Variants in FOXL2NB observed in about 807,000 individuals in gnomAD.
The protein encoded by FOXL2NB is FOXL2 neighbor protein.
In FOXL2NB, 10 loss-of-function variants were observed where a neutral mutation model predicts 7.4. The ratio of observed to expected loss-of-function variants is 1.34; its 90% CI spans 0.83 to 2.28. The LOEUF (loss-of-function observed/expected upper bound fraction) is 2.28. Among genes scored for constraint, FOXL2NB ranks in the 30% most tolerant of loss-of-function variants. FOXL2NB has a pLI of 0.00. For missense variants in FOXL2NB, 228 were observed against 233.9 expected, an observed-to-expected ratio of 0.97 and a Z score of 0.17; for synonymous variants, 104 against 105.3, an observed-to-expected ratio of 0.99 and a Z score of 0.08.
chr3:138,948,373 G>A (rs1187729483), intron 1 of FOXL2NB, among the ~76,000 whole-genome samples: 1 of 152,206 alleles, frequency 6.6e-6, no homozygotes, highest in African/African-American at 2.4e-5. Context: ...AATTATTTCA[G>A]CATGTACAGA....
chr3:138,950,045 C>T (rs1008229197), intron 2 of FOXL2NB: 9 of 710,272 alleles, frequency 1.3e-5, no homozygotes, highest in African/African-American at 1.0e-4. Context: ...GCCTCTTTGC[C>T]CCAGTTTTCC....
chr3:138,947,682 G>A lies in FOXL2NB; in HGVS notation c.100+218G>A. 1.5e-6 allele frequency: 2 copies of A among 1,332,504 alleles called. No homozygotes were observed. Among genetic ancestry groups the A allele is most frequent in the South Asian group, 3.9e-5 (2 of 51,250 alleles). 82.5% of individuals were successfully genotyped at this position (1,332,504 alleles called of 1,614,324 possible). ...CTCGCGCTCTCAGAGTGACTGGGCTGGAATGGGGCAGGGGAGAGGATCTCT... is the reference window on the plus strand; with the variant it reads ...CTCGCGCTCTCAGAGTGACTGGGCTAGAATGGGGCAGGGGAGAGGATCTCT... On this transcript the variant is annotated intron_variant, in intron 1 of 2. Coordinates refer to ENST00000383165, the MANE Select transcript of FOXL2NB (RefSeq NM_001040061.3). This position sits in a 1 kb window ranked among gnomAD's most constrained non-coding sequence, Gnocchi z 5.2.
Position 138,950,568 on chromosome 3 carries a change from AT to A in FOXL2NB, c.526del (p.Ter176SerfsTer74). The A allele has an allele frequency of 6.2e-7, 1 of 1,614,016 alleles. No individual in the cohort carries two copies. The highest frequency in any genetic ancestry group is 1.1e-5 in the South Asian group (1 of 91,070). ...LASKGKLHCV[Y>X] ...AGCAAAGGGAAGCTTCACTGTGTCT[AT>A]TAGTACATCCCCATACACTCCACGC... is the stretch of plus-strand genomic sequence containing the variant. On this transcript the variant is annotated frameshift_variant, in exon 3 of 3. Coordinates refer to ENST00000383165, the MANE Select transcript of FOXL2NB (RefSeq NM_001040061.3). LOFTEE classifies it high-confidence loss of function.
rs570190507 is a variant in FOXL2NB at position 138,952,512 on chromosome 3, C to CTT, written c.*1952_*1953dup. 708 of 142,204 alleles carry CTT rather than the reference C, an allele frequency of 5.0e-3. 15 individuals carry two copies. The highest frequency in any genetic ancestry group is 0.017 in the African/African-American group (651 of 38,006). The allele number at this position is 142,204 out of a possible 1,614,324, so 8.8% of individuals were successfully genotyped here. Reference sequence around the variant, plus strand: ...GTGTGCACTATAACTTTATGAAACACTTTTTTTTTTTTTGAGACAGGGTCT... The same window carrying CTT: ...GTGTGCACTATAACTTTATGAAACACTTTTTTTTTTTTTTTGAGACAGGGTCT... On this transcript the variant is annotated 3_prime_UTR_variant, in exon 3 of 3. Coordinates refer to ENST00000383165, the MANE Select transcript of FOXL2NB (RefSeq NM_001040061.3).
In FOXL2NB at chr3:138,947,217, G is replaced by GATGAACAAA. The variant is rs1936003637; in HGVS notation, c.-147_-146insTGAACAAAA. The stretch of plus-strand genomic sequence containing the variant: ...GCGGGGCGGCCAGCCGCGCACGGGC[G>GATGAACAAA]AGTTCATCTCCAAGTCACTTTTTGT... On this transcript the variant is annotated 5_prime_UTR_variant, in exon 1 of 3. It adds an upstream start codon to the 5' untranslated region. Transcript: ENST00000383165. The surrounding 1 kb of genome is among the most constrained non-coding windows in gnomAD (Gnocchi z 5.2). 1.6e-6 allele frequency: 1 copy of GATGAACAAA among 643,126 alleles called. No individual in the cohort carries two copies. Among genetic ancestry groups the GATGAACAAA allele is most frequent in the Non-Finnish European group, 2.6e-6 (1 of 382,260 alleles). The allele number at this position is 643,126 out of a possible 1,614,324, so 39.8% of individuals were successfully genotyped here.
At chr3:138,950,237 G>A (rs1318250401) in intron 2 of FOXL2NB, 28 bp from the exon 3 acceptor site, 1 of 1,605,558 alleles carries the variant, frequency 6.2e-7, no homozygotes, top group Admixed American at 1.7e-5. Context: ...AATCTACACG[G>A]CTCTGATACA....
rs758648508 is a variant in FOXL2NB at position 138,950,443 on chromosome 3, G to A, written c.399G>A (p.Ala133=). ...AGGTTCCGCTGTCCCCTTTCCTAGC[G>A]GGACCCCGAAACACCCGGCGGCTTC... ...LNQVPLSPFL[A]GPRNTRRLPA... The change falls in exon 3 of 3, where the codon GCG becomes GCA. Residue 133 remains alanine (A), a synonymous_variant. Coordinates refer to ENST00000383165, the MANE Select transcript of FOXL2NB (RefSeq NM_001040061.3). 1.5e-5 allele frequency: 24 copies of A among 1,613,944 alleles called. No individual in the cohort carries two copies. The highest frequency in any genetic ancestry group is 2.7e-5 in the African/African-American group (2 of 74,940).
rs913572780 is a variant in FOXL2NB, at chr3:138,949,508, G to T, written c.101-12G>T. The T allele has an allele frequency of 6.2e-7, 1 of 1,613,938 alleles. No individual in the cohort carries two copies. Among genetic ancestry groups the T allele is most frequent in the Non-Finnish European group, 8.5e-7 (1 of 1,179,962 alleles). On this transcript the variant is annotated splice_polypyrimidine_tract_variant and intron_variant, in intron 1 of 2. Coordinates refer to ENST00000383165, the MANE Select transcript of FOXL2NB (RefSeq NM_001040061.3). The surrounding 1 kb of genome is among the most constrained non-coding windows in gnomAD (Gnocchi z 4.5). Reference sequence around the variant, plus strand: ...GAAAATACTGATTTCTGACTGTCCCGTAGAGGAACAGAATCCCCAGCCCTG... The same window carrying T: ...GAAAATACTGATTTCTGACTGTCCCTTAGAGGAACAGAATCCCCAGCCCTG...
In FOXL2NB at chr3:138,953,983, T is replaced by C. The variant is rs1319934333; in HGVS notation, c.*3411T>C. Among the ~76,000 whole-genome samples the C allele has an allele frequency of 1.3e-5, 2 of 152,254 alleles. No individual in the cohort carries two copies. The highest frequency in any genetic ancestry group is 2.9e-5 in the Non-Finnish European group (2 of 68,048). ...ATCATAAATAAAGCTGCTGTGCACA[T>C]TGTTGTACATGTCTTTTTGTGAAGG... On this transcript the variant is annotated 3_prime_UTR_variant, in exon 3 of 3. Transcript: ENST00000383165.
At chr3:138,950,223 G>T in intron 2 of FOXL2NB, 42 bp from the exon 3 acceptor site, 2 of 1,582,330 alleles carry the variant, frequency 1.3e-6, no homozygotes, top group South Asian at 2.3e-5. Context: ...CAGCCGGCGC[G>T]AGCAATCTAC....
Position 138,947,432 on chromosome 3 carries a change from GAA to G in FOXL2NB, c.70_71del (p.Lys24GlyfsTer21), listed in dbSNP as rs1411450922. The G allele has an allele frequency of 2.1e-5, 32 of 1,534,440 alleles. No homozygotes were observed. In the East Asian group the frequency reaches 7.5e-4, roughly 36 times the overall value. ...CCCAGGAAGCTCGGGCCCCAGCGAG[GAA>G]AGGCGCTCCAAGCCTCCTCGCGGCT... is the stretch of plus-strand genomic sequence containing the variant. On this transcript the variant is annotated frameshift_variant, in exon 1 of 3. Coordinates refer to ENST00000383165, the MANE Select transcript of FOXL2NB (RefSeq NM_001040061.3). LOFTEE classifies it high-confidence loss of function. The surrounding 1 kb of genome is among the most constrained non-coding windows in gnomAD (Gnocchi z 5.2).
rs906043769 is a variant in FOXL2NB at position 138,947,395 on chromosome 3, A to G, written c.31A>G (p.Thr11Ala). Reference protein sequence around the residue: MTRTPVGSARTRPKPRKLGPQ... With the variant: MTRTPVGSARARPKPRKLGPQ... ...GAGGACCCCGGTGGGGTCTGCCCGC[A>G]CCCGGCCAAAGCCCAGGAAGCTCGG... Residue 11 changes from threonine (T) to alanine (A), a missense_variant, in exon 1 of 3, where the codon ACC becomes GCC. Transcript: ENST00000383165. This position sits in a 1 kb window ranked among gnomAD's most constrained non-coding sequence, Gnocchi z 5.2. The G allele has an allele frequency of 6.5e-7, 1 of 1,535,672 alleles. No individual in the cohort carries two copies. Among genetic ancestry groups the G allele is most frequent in the African/African-American group, 1.4e-5 (1 of 72,120 alleles).
In FOXL2NB at chr3:138,950,666, GGTGT is replaced by G; in HGVS notation, c.*95_*98del. ...CTTTGCACCCACACCTCAGGGACTC[GGTGT>G]CCCTCCACTCAGGTCACGTTACTCC... On this transcript the variant is annotated 3_prime_UTR_variant, in exon 3 of 3. Transcript: ENST00000383165. 7.5e-7 allele frequency: 1 copy of G among 1,336,258 alleles called. No homozygotes were observed. Among genetic ancestry groups the G allele is most frequent in the Non-Finnish European group, 1.1e-6 (1 of 950,596 alleles). 82.8% of individuals were successfully genotyped at this position (1,336,258 alleles called of 1,614,324 possible).
At position 138,952,238 on chromosome 3, in the gene FOXL2NB, G is replaced by A. The variant is rs995044618; in HGVS notation, c.*1666G>A. The A allele has an allele frequency of 5.3e-5, 8 of 152,214 alleles. No individual in the cohort carries two copies. The highest frequency in any genetic ancestry group is 7.3e-5 in the Non-Finnish European group (5 of 68,054). The allele number at this position is 152,214 out of a possible 1,614,324, so 9.4% of individuals were successfully genotyped here. ...TCTCCACCCGCACGCTAACCCATGA[G>A]GGGATGCCAGAGAGAGCCCTTCCCC... is the stretch of plus-strand genomic sequence containing the variant. On this transcript the variant is annotated 3_prime_UTR_variant, in exon 3 of 3. Coordinates refer to ENST00000383165, the MANE Select transcript of FOXL2NB (RefSeq NM_001040061.3).
chr3:138,948,784 G>T (rs1163763009), intron 1 of FOXL2NB, among the ~76,000 whole-genome samples: 34 of 152,332 alleles, frequency 2.2e-4, no homozygotes, highest in Non-Finnish European at 5.9e-5. Flanking sequence ...ATTCTGAGAT[G>T]AAAGGGAGGG....
In FOXL2NB at chr3:138,950,267, C is replaced by G. The variant is rs1405853772; in HGVS notation, c.223C>G (p.Pro75Ala). 1.9e-6 allele frequency: 3 copies of G among 1,603,966 alleles called. No individual in the cohort carries two copies. ...GATACAGACGCTTTTCTCCCCAGGG[C>G]CGGGAATCCTGCAACAGCGGCAGAA... ...VRHSKAQKTGPGILQQRQKPP... is the reference protein window; with the variant it reads ...VRHSKAQKTGAGILQQRQKPP... The change falls in exon 3 of 3, where the codon CCG (proline) becomes GCG (alanine). Residue 75 changes from proline (P) to alanine (A), a missense_variant and splice_region_variant. Transcript: ENST00000383165.
chr3:138,951,189 C>T lies in FOXL2NB; in HGVS notation c.*617C>T, dbSNP rs1446032440. The T allele has an allele frequency of 6.5e-6, 1 of 152,706 alleles. No individual in the cohort carries two copies. Among genetic ancestry groups the T allele is most frequent in the African/African-American group, 2.4e-5 (1 of 41,452 alleles). 9.5% of individuals were successfully genotyped at this position (152,706 alleles called of 1,614,324 possible). ...AGGTCTGAAGCCAGTGGGTATTAGT[C>T]TGCCTGGTTGGGATTAGCAAAGTCA... On this transcript the variant is annotated 3_prime_UTR_variant, in exon 3 of 3. Coordinates refer to ENST00000383165, the MANE Select transcript of FOXL2NB (RefSeq NM_001040061.3).
rs759709914 is a variant in FOXL2NB, at chr3:138,950,507, C to T, written c.463C>T (p.Leu155Phe). 4.3e-6 allele frequency: 7 copies of T among 1,614,240 alleles called. No individual in the cohort carries two copies. The highest frequency in any genetic ancestry group is 1.6e-4 in the Middle Eastern group (1 of 6,062). The change falls in exon 3 of 3, where the codon CTC (leucine) becomes TTC (phenylalanine). Residue 155 changes from leucine (L) to phenylalanine (F), a missense_variant. Coordinates refer to ENST00000383165, the MANE Select transcript of FOXL2NB (RefSeq NM_001040061.3). ...GGAGAGAATAGAGCTTGCTGCAACC[C>T]TCTGCTTGGAGGGATGGCCTCTGCG... ...ERERIELAAT[L>F]CLEGWPLRCL...
At position 138,947,424 on chromosome 3, in the gene FOXL2NB, C is replaced by G; in HGVS notation, c.60C>G (p.Pro20=). Residue 20 remains proline, a synonymous_variant, in exon 1 of 3, where the codon CCC becomes CCG. Transcript: ENST00000383165. This position sits in a 1 kb window ranked among gnomAD's most constrained non-coding sequence, Gnocchi z 5.2. ...RTRPKPRKLG[P]QRGKALQASS... Reference sequence around the variant, plus strand: ...GGCCAAAGCCCAGGAAGCTCGGGCCCCAGCGAGGAAAGGCGCTCCAAGCCT... The same window carrying G: ...GGCCAAAGCCCAGGAAGCTCGGGCCGCAGCGAGGAAAGGCGCTCCAAGCCT... The G allele has an allele frequency of 6.5e-7, 1 of 1,547,878 alleles. No homozygotes were observed. The highest frequency in any genetic ancestry group is 8.7e-7 in the Non-Finnish European group (1 of 1,145,158).
Sources: allele counts gnomAD v4.1 joint callset (sites outside exome capture counted in the v4.1 genomes callset), GRCh38; gene constraint gnomAD v4.1.1; non-coding constraint Gnocchi (gnomAD v3.1); transcripts MANE v1.5; gene names NCBI Gene and HGNC (gene_info 2026-07-23, HGNC 2026-07-21).